FOXP2: variants seen among roughly 807,000 people sequenced by gnomAD.
FOXP2 encodes the protein forkhead box protein P2.
A neutral mutation model predicts 115.8 loss-of-function variants in FOXP2; 12 were observed. The ratio of observed to expected loss-of-function variants is 0.10; its 90% CI spans 0.07 to 0.17. The LOEUF (loss-of-function observed/expected upper bound fraction) is 0.17, where lower values mean the gene tolerates loss of function less well. FOXP2 is among the 10% of genes least tolerant of loss of function. FOXP2 has a pLI of 1.00. For missense variants in FOXP2, 629 were observed against 843.5 expected (o/e 0.75, Z 3.15); for synonymous variants, 328 against 297.7 (o/e 1.10, Z -1.05).
chr7:114,405,548 G>A (rs961604222), intron 2 of FOXP2, among the ~76,000 whole-genome samples: 4 of 151,902 alleles, frequency 2.6e-5, no homozygotes, highest in African/African-American at 9.7e-5. Context: ...TAGTAGGCAA[G>A]TAAAAGGTCA....
chr7:114,136,806 A>T (rs1329206023), intron 1 of FOXP2, among the ~76,000 whole-genome samples: 1 of 151,926 alleles, frequency 6.6e-6, no homozygotes, highest in Non-Finnish European at 1.5e-5. Flanking sequence ...GAAGCTAGAG[A>T]TTTTATCTTT....
At chr7:114,372,626 T>C (rs1050463748) in intron 2 of FOXP2, among the ~76,000 whole-genome samples, 10 of 152,348 alleles carry the variant, frequency 6.6e-5, no homozygotes, top group Admixed American at 2.0e-4. Flanking sequence ...CTCAAGCAAC[T>C]TCTCACAAAA....
chr7:114,322,166 G>A (rs1482522778), intron 2 of FOXP2, among the ~76,000 whole-genome samples: 1 of 151,540 alleles, frequency 6.6e-6, no homozygotes. Context: ...GGAATTACAG[G>A]TACATGCCAC....
intron 16 of FOXP2, among the ~76,000 whole-genome samples, chr7:114,674,314 C>A (rs1807648676): frequency 6.6e-6 from 1 of 152,104 alleles, no homozygotes; most frequent in African/African-American, 2.4e-5. Flanking sequence ...CTACTTATAT[C>A]CTGGATAAAG....
intron 1 of FOXP2, among the ~76,000 whole-genome samples, chr7:114,249,248 T>C (rs1308932217): frequency 6.6e-6 from 1 of 152,168 alleles, no homozygotes; most frequent in Non-Finnish European, 1.5e-5. Context: ...ATGTGCAGGA[T>C]GTACAGGTTT....
chr7:114,471,766 A>G (rs191956323), intron 2 of FOXP2, among the ~76,000 whole-genome samples: 23 of 151,404 alleles, frequency 1.5e-4, no homozygotes, highest in Non-Finnish European at 1.8e-4. Context: ...CCTGGCCAAC[A>G]TGGTGAAACC....
intron 1 of FOXP2, among the ~76,000 whole-genome samples, chr7:114,154,471 C>A (rs563210734): frequency 1.3e-4 from 19 of 151,926 alleles, no homozygotes; most frequent in Admixed American, 5.3e-4. Context: ...AGTATGAATC[C>A]ATTGATGCTG....
At chr7:114,387,371 C>G (rs753758455) in intron 2 of FOXP2, among the ~76,000 whole-genome samples, 4 of 152,142 alleles carry the variant, frequency 2.6e-5, no homozygotes, top group African/African-American at 4.8e-5. Flanking sequence ...ACATGCCACA[C>G]AGTACAATGC....
rs540543669 is a variant in FOXP2, at chr7:114,186,671, T to C, written c.-102+23583T>C. 2.0e-5 allele frequency among the ~76,000 whole-genome samples: 3 copies of C among 152,270 alleles called. No homozygotes were observed. The South Asian group carries it at 6.2e-4, about 32-fold the overall frequency. ...AGTTCTGCAGATGGCCTCATCGCTG[T>C]GGTGGCTCCGTCCCTGGGGCAGTTC... is the stretch of plus-strand genomic sequence containing the variant. On this transcript the variant is annotated intron_variant, in intron 1 of 17. Transcript: ENST00000634411.
chr7:114,101,995 A>G (rs771959820), intron 1 of FOXP2, among the ~76,000 whole-genome samples: 2 of 151,316 alleles, frequency 1.3e-5, no homozygotes, highest in Non-Finnish European at 2.9e-5. Context: ...TCTGATGATA[A>G]TCATGATCAC....
chr7:114,233,873 A>C (rs1304610524), intron 1 of FOXP2, among the ~76,000 whole-genome samples: 2 of 152,104 alleles, frequency 1.3e-5, no homozygotes, highest in Non-Finnish European at 2.9e-5. Context: ...ATTAACCGTG[A>C]ATGGTGGTGC....
At chr7:114,120,532 T>C (rs1791532250) in intron 1 of FOXP2, among the ~76,000 whole-genome samples, 1 of 151,992 alleles carries the variant, frequency 6.6e-6, no homozygotes, top group African/African-American at 2.4e-5. Context: ...GTGAGCAAAA[T>C]GAAGGACTTG....
intron 2 of FOXP2, among the ~76,000 whole-genome samples, chr7:114,316,028 C>T (rs770273568): frequency 1.3e-5 from 2 of 152,084 alleles, no homozygotes; most frequent in Non-Finnish European, 2.9e-5. Flanking sequence ...AAATCACCAA[C>T]AAAAAGCACA....
At chr7:114,578,888 G>C (rs1044283542) in intron 3 of FOXP2, among the ~76,000 whole-genome samples, 6 of 152,060 alleles carry the variant, frequency 3.9e-5, no homozygotes, top group African/African-American at 1.4e-4. Flanking sequence ...TAGATTTATT[G>C]CTTATGTTCT....
chr7:114,507,451 A>T (rs1349968315), intron 2 of FOXP2, among the ~76,000 whole-genome samples: 1 of 151,974 alleles, frequency 6.6e-6, no homozygotes, highest in African/African-American at 2.4e-5. Context: ...CAAAAGTTGA[A>T]ATTGAACTTG....
chr7:114,570,881 A>T, intron 3 of FOXP2: 1 of 1,611,706 alleles, frequency 6.2e-7, no homozygotes. Flanking sequence ...ACACATTTGC[A>T]GTAAGTTACA....
chr7:114,281,753 T>C (rs756659439), intron 1 of FOXP2, among the ~76,000 whole-genome samples: 11 of 152,214 alleles, frequency 7.2e-5, no homozygotes, highest in Non-Finnish European at 1.3e-4. Context: ...TGAATAAATA[T>C]GTTTCAAACT....
intron 1 of FOXP2, among the ~76,000 whole-genome samples, chr7:114,196,187 T>G (rs918064443): frequency 1.6e-4 from 25 of 151,728 alleles, no homozygotes; most frequent in Non-Finnish European, 3.1e-4. Flanking sequence ...AATTTTTGTA[T>G]TTTTAGTAGA....
chr7:114,472,345 CTTTT>C (rs1164348933), intron 2 of FOXP2, among the ~76,000 whole-genome samples: 3 of 137,786 alleles, frequency 2.2e-5, no homozygotes, highest in African/African-American at 5.3e-5. Flanking sequence ...TTTATAAATT[CTTTT>C]TTTTTTTTTT....
Sources: gnomAD v4.1 joint callset for allele counts (sites outside exome capture counted in the v4.1 genomes callset) on GRCh38, gnomAD v4.1.1 for gene constraint, MANE v1.5 for transcripts, NCBI Gene and HGNC (gene_info 2026-07-23, HGNC 2026-07-21) for gene names.